DNAJC17: variants seen among roughly 807,000 people sequenced by gnomAD.
The protein encoded by DNAJC17 is DnaJ heat shock protein family (Hsp40) member C17.
A neutral mutation model predicts 48.1 loss-of-function variants in DNAJC17; 35 were observed. The ratio of observed to expected loss-of-function variants is 0.73; its 90% CI spans 0.56 to 0.96. The LOEUF is 0.96. Ranked by LOEUF, DNAJC17 falls within the 50% of genes least tolerant of loss-of-function variation. The pLI is 0.00. For synonymous variants in DNAJC17, 117 were observed against 142.7 expected, an observed-to-expected ratio of 0.82 and a Z score of 1.28; for missense variants, 355 against 377.1, an observed-to-expected ratio of 0.94 and a Z score of 0.48.
rs1017771293 is a variant in DNAJC17 at position 40,773,815 on chromosome 15, A to G, written c.704T>C (p.Val235Ala). Residue 235 changes from valine to alanine, a missense_variant, in exon 10 of 11, where the codon GTT (valine) becomes GCT (alanine). Coordinates refer to ENST00000220496, the MANE Select transcript of DNAJC17 (RefSeq NM_018163.3). ...CTTCAGAGGGTTATCCACCAGGCCAACTTCATTCTGGACAGCCAGCTCCTG... is the reference window on the plus strand; with the variant it reads ...CTTCAGAGGGTTATCCACCAGGCCAGCTTCATTCTGGACAGCCAGCTCCTG... ...KAAELAVQNE[V>A]GLVDNPLKIS... The G allele has an allele frequency of 3.1e-6, 5 of 1,613,860 alleles. No homozygotes were observed. In the African/African-American group the frequency reaches 5.3e-5, roughly 17 times the overall value.
At chr15:40,799,460 C>G (rs1452083402) in intron 1 of DNAJC17, among the ~76,000 whole-genome samples, 1 of 151,920 alleles carries the variant, frequency 6.6e-6, no homozygotes, top group Admixed American at 6.6e-5. Context: ...TTTTGGCCTG[C>G]TAGGTTTGTT....
intron 1 of DNAJC17, among the ~76,000 whole-genome samples, chr15:40,801,692 G>A (rs1424419190): frequency 1.4e-5 from 2 of 145,754 alleles, no homozygotes. Context: ...GGCGGAGCTT[G>A]CAGCCACTGC....
chr15:40,807,080 G>A, intron 1 of DNAJC17: 2 of 649,110 alleles, frequency 3.1e-6, no homozygotes, highest in East Asian at 2.8e-5. Context: ...AGGCGCAGAG[G>A]AGGCTAGCGT....
In DNAJC17 at chr15:40,765,964, T is replaced by A; in HGVS notation, c.*1976A>T. 9.8e-7 allele frequency: 1 copy of A among 1,022,784 alleles called. No homozygotes were observed. The highest frequency in any genetic ancestry group is 1.5e-6 in the Non-Finnish European group (1 of 680,562). 63.4% of individuals were successfully genotyped at this position (1,022,784 alleles called of 1,614,324 possible). ...TCAGTATCCTCTCCCTGCCAGCCCC[T>A]AGACCTGCCTCTGCTCCCTTTATAC... On this transcript the variant is annotated 3_prime_UTR_variant, in exon 11 of 11. Transcript: ENST00000220496.
Position 40,770,700 on chromosome 15 carries a change from G to C in DNAJC17, c.793-2638C>G. 2 of 1,547,612 alleles carry C rather than the reference G, an allele frequency of 1.3e-6. No homozygotes were observed. Among genetic ancestry groups the C allele is most frequent in the Non-Finnish European group, 1.7e-6 (2 of 1,146,928 alleles). Reference sequence around the variant, plus strand: ...TGGCCGGCGCCTGCCACTGTGGGGGGACGAGCAGCCCCGGGCCACCCTGCT... The same window carrying C: ...TGGCCGGCGCCTGCCACTGTGGGGGCACGAGCAGCCCCGGGCCACCCTGCT... On this transcript the variant is annotated intron_variant, in intron 10 of 10. Coordinates refer to ENST00000220496, the MANE Select transcript of DNAJC17 (RefSeq NM_018163.3). This position sits in a 1 kb window ranked among gnomAD's most constrained non-coding sequence, Gnocchi z 5.0.
At chr15:40,804,236 C>G (rs906618520) in intron 1 of DNAJC17, among the ~76,000 whole-genome samples, 5 of 151,846 alleles carry the variant, frequency 3.3e-5, no homozygotes, top group Non-Finnish European at 1.5e-5. Flanking sequence ...TCCCAAAGTG[C>G]TGGGATTGCA....
chr15:40,780,665 T>C, intron 1 of DNAJC17: 1 of 258,920 alleles, frequency 3.9e-6, no homozygotes, highest in Non-Finnish European at 7.7e-6. Context: ...TATACAAAAA[T>C]TAGCTAGGCA....
Position 40,770,351 on chromosome 15 carries a change from G to A in DNAJC17, c.793-2289C>T. The A allele has an allele frequency of 1.3e-6, 1 of 759,130 alleles. No homozygotes were observed. Among genetic ancestry groups the A allele is most frequent in the Non-Finnish European group, 2.1e-6 (1 of 482,908 alleles). 47.0% of individuals were successfully genotyped at this position (759,130 alleles called of 1,614,324 possible). On this transcript the variant is annotated intron_variant, in intron 10 of 10. Transcript: ENST00000220496. This position sits in a 1 kb window ranked among gnomAD's most constrained non-coding sequence, Gnocchi z 5.0. ...GAGCCCTCCTCTCACCATCCAAGAT[G>A]TGGTCAAAGGTCTGTGCTGAGTGGA...
chr15:40,776,124 C>G (rs541049943), intron 6 of DNAJC17, 72 bp downstream of exon 6: 1 of 1,461,762 alleles, frequency 6.8e-7, no homozygotes, highest in African/African-American at 1.4e-5. Context: ...CTCCACCGAA[C>G]AGCCAGTGTG....
chr15:40,770,494 C>T lies in DNAJC17; in HGVS notation c.793-2432G>A. 6.5e-7 allele frequency: 1 copy of T among 1,547,974 alleles called. No individual in the cohort carries two copies. The highest frequency in any genetic ancestry group is 8.7e-7 in the Non-Finnish European group (1 of 1,145,836). On this transcript the variant is annotated intron_variant, in intron 10 of 10. Transcript: ENST00000220496. The surrounding 1 kb of genome is among the most constrained non-coding windows in gnomAD (Gnocchi z 5.0). ...ACCTGTCTGCTGGCTCCCCTGGGCC[C>T]CATGGAGACCTGGCGGAAAGGCTCC...
chr15:40,792,454 T>A lies in DNAJC17; in HGVS notation c.79-12457A>T, dbSNP rs1196785000. ...CATCTGGCTTCCCCAGGTAATTACCTGCCAAGATGAATGAGCTACACACCC... is the reference window on the plus strand; with the variant it reads ...CATCTGGCTTCCCCAGGTAATTACCAGCCAAGATGAATGAGCTACACACCC... On this transcript the variant is annotated intron_variant, in intron 1 of 10. Coordinates refer to ENST00000220496, the MANE Select transcript of DNAJC17 (RefSeq NM_018163.3). The A allele has an allele frequency of 9.1e-6, 9 of 985,116 alleles. No individual in the cohort carries two copies. The East Asian group carries it at 7.9e-4, about 87-fold the overall frequency. 61.0% of individuals were successfully genotyped at this position (985,116 alleles called of 1,614,324 possible). A position where few individuals can be genotyped will look rare whatever the true frequency, so the allele number is the denominator to read the frequency against.
chr15:40,780,427 A>G (rs1889451554), intron 1 of DNAJC17: 1 of 428,206 alleles, frequency 2.3e-6, no homozygotes. Flanking sequence ...CTGGACTTGT[A>G]GAAGTATGGC....
Position 40,767,954 on chromosome 15 carries a change from C to T in DNAJC17, c.901G>A (p.Gly301Arg), listed in dbSNP as rs144276286. The T allele has an allele frequency of 1.1e-5, 17 of 1,612,870 alleles. No homozygotes were observed. The highest frequency in any genetic ancestry group is 2.2e-5 in the East Asian group (1 of 44,888). Residue 301 changes from glycine to arginine, a missense_variant, in exon 11 of 11, where the codon GGG becomes AGG. By Grantham distance (125) the Gly-to-Arg change is moderately radical. Transcript: ENST00000220496. ...TGGAGCTGGGGCTACGTAGGCGGCC[C>T]CTCCTGGTCTTCCTGCTGCATCCGT... ...IARMQQEDQE[G>R]PPT
intron 1 of DNAJC17, among the ~76,000 whole-genome samples, chr15:40,801,160 G>A (rs1264683225): frequency 1.3e-5 from 2 of 152,146 alleles, no homozygotes; most frequent in South Asian, 2.1e-4. Flanking sequence ...AACCTACTAT[G>A]TGCCAGTCAC....
At chr15:40,800,936 C>T (rs899964283) in intron 1 of DNAJC17, among the ~76,000 whole-genome samples, 3 of 145,898 alleles carry the variant, frequency 2.1e-5, no homozygotes, top group East Asian at 4.0e-4. Flanking sequence ...CCAGCCTGGG[C>T]GACAGCGAGA....
At chr15:40,803,413 A>G (rs1283259200) in intron 1 of DNAJC17, among the ~76,000 whole-genome samples, 1 of 152,240 alleles carries the variant, frequency 6.6e-6, no homozygotes, top group Non-Finnish European at 1.5e-5. Flanking sequence ...GTGTGTTGCC[A>G]TGAAGCTAGC....
intron 1 of DNAJC17, among the ~76,000 whole-genome samples, chr15:40,792,126 T>C (rs1889823598): frequency 6.6e-6 from 1 of 152,196 alleles, no homozygotes; most frequent in African/African-American, 2.4e-5. Flanking sequence ...GCACTCCACA[T>C]CTGCATGCCC....
At chr15:40,778,965 C>G (rs557200846) in intron 4 of DNAJC17, 2 of 470,962 alleles carry the variant, frequency 4.2e-6, no homozygotes, top group Non-Finnish European at 7.8e-6. Flanking sequence ...AGGTTTAGTA[C>G]CCACACTTCC....
chr15:40,774,914 A>G, intron 8 of DNAJC17, 117 bp downstream of exon 8: 4 of 1,039,996 alleles, frequency 3.8e-6, no homozygotes, highest in South Asian at 2.8e-5. Flanking sequence ...TATGAGACAG[A>G]AAAAAAAAGC....
Sources: gnomAD v4.1 joint callset for allele counts (sites outside exome capture counted in the v4.1 genomes callset) on GRCh38, gnomAD v4.1.1 for gene constraint, Gnocchi (gnomAD v3.1) non-coding constraint, MANE v1.5 for transcripts, NCBI Gene and HGNC (gene_info 2026-07-23, HGNC 2026-07-21) for gene names.